Variants in SEPTIN7 observed in about 807,000 individuals in gnomAD.
SEPTIN7 encodes septin-7.
A neutral mutation model predicts 63.3 loss-of-function variants in SEPTIN7; 10 were observed. The observed-to-expected ratio is 0.16, with a 90% CI of 0.10 to 0.27. The LOEUF is 0.27. SEPTIN7 is among the 10% of genes least tolerant of loss of function. The probability of loss-of-function intolerance (pLI) is 1.00; values close to 1 mark genes in which losing one functional copy is unlikely to be tolerated. For missense variants in SEPTIN7, 310 were observed against 521.0 expected, an observed-to-expected ratio of 0.59 and a Z score of 3.94; for synonymous variants, 131 against 165.3, an observed-to-expected ratio of 0.79 and a Z score of 1.59.
At chr7:35,834,660 G>A (rs75144675) in intron 3 of SEPTIN7, among the ~76,000 whole-genome samples, 1 of 151,934 alleles carries the variant, frequency 6.6e-6, no homozygotes, top group Admixed American at 6.6e-5. Context: ...TTGAGTGCAG[G>A]TATTAAATAT....
chr7:35,867,022 A>C lies in SEPTIN7; in HGVS notation c.276+3364A>C, dbSNP rs150449282. ...AGTCTGGGTACTACATTTTGAGAAC[A>C]ACTGCTCTGCTGCAAACTGGTTTTA... is the stretch of plus-strand genomic sequence containing the variant. On this transcript the variant is annotated intron_variant, in intron 4 of 13. Transcript: ENST00000350320. 9.2e-5 allele frequency among the ~76,000 whole-genome samples: 14 copies of C among 152,360 alleles called. No homozygotes were observed. The East Asian group carries it at 2.3e-3, about 25-fold the overall frequency.
chr7:35,880,018 T>G, intron 7 of SEPTIN7, 78 bp downstream of exon 7: 1 of 752,630 alleles, frequency 1.3e-6, no homozygotes, highest in Non-Finnish European at 2.4e-6. Flanking sequence ...GTATAATGTG[T>G]TGCAATCCAT....
chr7:35,903,184 C>G lies in SEPTIN7; in HGVS notation c.1243C>G (p.Gln415Glu), dbSNP rs752162655. The change falls in exon 13 of 14, where the codon CAA (glutamine) becomes GAA (glutamate). Residue 415 changes from glutamine to glutamate, a missense_variant. Coordinates refer to ENST00000350320, the MANE Select transcript of SEPTIN7 (RefSeq NM_001788.6). Reference sequence around the variant, plus strand: ...TGAGAAAGCAAACTGGGAAGCTCAACAACGTATTTTAGAACAACAGAACTC... The same window carrying G: ...TGAGAAAGCAAACTGGGAAGCTCAAGAACGTATTTTAGAACAACAGAACTC... ...EDEKANWEAQQRILEQQNSSR... is the reference protein window; with the variant it reads ...EDEKANWEAQERILEQQNSSR... The G allele has an allele frequency of 1.3e-5, 21 of 1,599,944 alleles. No homozygotes were observed. Among genetic ancestry groups the G allele is most frequent in the Non-Finnish European group, 1.7e-5 (20 of 1,174,434 alleles).
At chr7:35,908,069 T>G (rs758055173), downstream of SEPTIN7, among the ~76,000 whole-genome samples, 6 of 152,212 alleles carry the variant, frequency 3.9e-5, no homozygotes, top group Non-Finnish European at 7.3e-5. Context: ...CTTTTGGAGT[T>G]ACTTCCATGG....
At chr7:35,870,135 G>A (rs1250798615) in intron 4 of SEPTIN7, among the ~76,000 whole-genome samples, 1 of 152,088 alleles carries the variant, frequency 6.6e-6, no homozygotes, top group Admixed American at 6.5e-5. Flanking sequence ...TCCATATGTC[G>A]CTGACTTCTT....
At chr7:35,879,664 G>A (rs1786710199) in intron 6 of SEPTIN7, 159 bp from the exon 7 acceptor site, 6 of 579,028 alleles carry the variant, frequency 1.0e-5, no homozygotes, top group South Asian at 2.1e-5. Flanking sequence ...GCTTCTTGAA[G>A]TCCTGTTCTA....
At chr7:35,908,984 A>G (rs780143027), downstream of SEPTIN7, among the ~76,000 whole-genome samples, 2 of 152,260 alleles carry the variant, frequency 1.3e-5, no homozygotes, top group African/African-American at 4.8e-5. Context: ...TGTCTTGGAT[A>G]AGCCAGTAGT....
At chr7:35,886,180 T>C (rs1345546988) in intron 10 of SEPTIN7, among the ~76,000 whole-genome samples, 1 of 152,246 alleles carries the variant, frequency 6.6e-6, no homozygotes, top group Non-Finnish European at 1.5e-5. Flanking sequence ...TCTTTTTTCT[T>C]AATGTGAAAA....
chr7:35,869,553 TTA>T (rs1477548451), intron 4 of SEPTIN7, among the ~76,000 whole-genome samples: 1 of 152,232 alleles, frequency 6.6e-6, no homozygotes, highest in African/African-American at 2.4e-5. Context: ...CTTCAAAATG[TTA>T]TGTTCTTAAT....
Position 35,883,951 on chromosome 7 carries a change from G to T in SEPTIN7, c.784G>T (p.Val262Phe). The T allele has an allele frequency of 3.7e-6, 6 of 1,610,830 alleles. No individual in the cohort carries two copies. The highest frequency in any genetic ancestry group is 4.2e-6 in the Non-Finnish European group (5 of 1,177,902). The change falls in exon 9 of 14, where the codon GTC becomes TTC. Residue 262 changes from valine (V) to phenylalanine (F), a missense_variant. Physicochemically the swap from Val to Phe is conservative, Grantham distance 50. This residue lies in a region of SEPTIN7 where 255 missense variants were observed against 490.5 expected (regional missense o/e 0.52). Transcript: ENST00000350320. ...NTIIEVNGKR[V>F]RGRQYPWGVA... The stretch of plus-strand genomic sequence containing the variant: ...TATCATTGAAGTTAATGGCAAAAGG[G>T]TCAGAGGAAGGCAGTATCCTTGGGG...
chr7:35,852,543 CA>C lies in SEPTIN7; in HGVS notation c.170-11006del, dbSNP rs1251677258. Among the ~76,000 whole-genome samples the C allele has an allele frequency of 2.6e-5, 4 of 152,136 alleles. No individual in the cohort carries two copies. The East Asian group carries it at 7.7e-4, about 29-fold the overall frequency. On this transcript the variant is annotated intron_variant, in intron 3 of 13. Coordinates refer to ENST00000350320, the MANE Select transcript of SEPTIN7 (RefSeq NM_001788.6). ...TTCCAGGGAAGAATAATAGTATTACCAAACTATTTTTGTATTTGTCAGGTGC... is the reference window on the plus strand; with the variant it reads ...TTCCAGGGAAGAATAATAGTATTACCAACTATTTTTGTATTTGTCAGGTGC...
At chr7:35,845,544 G>A (rs79983543) in intron 3 of SEPTIN7, among the ~76,000 whole-genome samples, 3,932 of 152,206 alleles carry the variant, frequency 0.026, 125 homozygotes, top group East Asian at 0.08. Flanking sequence ...TTAAAAGATG[G>A]TTGAGAATTT....
At chr7:35,834,132 CATT>C (rs1783967174) in intron 3 of SEPTIN7, among the ~76,000 whole-genome samples, 1 of 151,814 alleles carries the variant, frequency 6.6e-6, no homozygotes, top group Non-Finnish European at 1.5e-5. Flanking sequence ...GTAACATCAT[CATT>C]ATATGAAGAA....
At chr7:35,856,070 T>A (rs1785188292) in intron 3 of SEPTIN7, among the ~76,000 whole-genome samples, 1 of 152,206 alleles carries the variant, frequency 6.6e-6, no homozygotes, top group African/African-American at 2.4e-5. Flanking sequence ...TACAACTACT[T>A]ATTGAGCACT....
downstream of SEPTIN7, among the ~76,000 whole-genome samples, chr7:35,908,652 G>T (rs1003032613): frequency 6.6e-6 from 1 of 152,174 alleles, no homozygotes; most frequent in East Asian, 1.9e-4. Context: ...CAGAGGGGGG[G>T]TAGTCAGACA....
At chr7:35,828,093 T>A (rs760668745) in intron 1 of SEPTIN7, among the ~76,000 whole-genome samples, 3 of 152,186 alleles carry the variant, frequency 2.0e-5, no homozygotes, top group Non-Finnish European at 4.4e-5. Flanking sequence ...TAAAATAATT[T>A]TATTTTAAAA....
chr7:35,914,931 T>A, the SEPTIN7 span, among the ~76,000 whole-genome samples: 2 of 152,084 alleles, frequency 1.3e-5, no homozygotes, highest in Non-Finnish European at 2.9e-5. Context: ...TTTGCACATA[T>A]GTATATGCAC....
At chr7:35,882,036 A>G (rs75629210) in intron 7 of SEPTIN7, among the ~76,000 whole-genome samples, 31 of 152,034 alleles carry the variant, frequency 2.0e-4, no homozygotes, top group Non-Finnish European at 4.0e-4. Context: ...ACTTAGTTTT[A>G]CCTTACTTTT....
intron 10 of SEPTIN7, among the ~76,000 whole-genome samples, chr7:35,888,173 A>G (rs1235259351): frequency 6.6e-6 from 1 of 152,212 alleles, no homozygotes; most frequent in Admixed American, 6.5e-5. Context: ...TGGGAAATGG[A>G]AGAGACAAAT....
Sources: gnomAD v4.1 joint callset for allele counts (sites outside exome capture counted in the v4.1 genomes callset) on GRCh38, gnomAD v4.1.1 for gene constraint, gnomAD v4.1.1 regional missense constraint, MANE v1.5 for transcripts, NCBI Gene and HGNC (gene_info 2026-07-23, HGNC 2026-07-21) for gene names.